Variants in CHL1 observed in about 807,000 individuals in gnomAD.
CHL1 encodes the protein cell adhesion molecule L1 like.
In CHL1, 96 loss-of-function variants were observed where a neutral mutation model predicts 141.9. The observed-to-expected ratio is 0.68, with a 90% CI of 0.57 to 0.80. The LOEUF is 0.80. CHL1 is among the 30% of genes least tolerant of loss of function. CHL1 has a pLI of 0.00. For missense variants in CHL1, 1,820 were observed against 1,457.2 expected, an observed-to-expected ratio of 1.25 and a Z score of -4.05; for synonymous variants, 613 against 502.2, an observed-to-expected ratio of 1.22 and a Z score of -2.95.
chr3:229,175 C>T (rs544195200), intron 1 of CHL1, among the ~76,000 whole-genome samples: 1 of 152,268 alleles, frequency 6.6e-6, no homozygotes, highest in South Asian at 2.1e-4. Flanking sequence ...TTACATTTCA[C>T]TTCTTATTAA....
chr3:395,202 G>A (rs1865164), intron 24 of CHL1, among the ~76,000 whole-genome samples: 139,000 of 152,286 alleles, frequency 0.91, 64,357 homozygotes, highest in East Asian at 1. Context: ...GTAAAGGTAC[G>A]TTTTTCTTTT....
chr3:369,893 A>G (rs148422428), intron 15 of CHL1, among the ~76,000 whole-genome samples: 3,853 of 152,326 alleles, frequency 0.025, 76 homozygotes, highest in Non-Finnish European at 0.039. Flanking sequence ...TATGTGATGA[A>G]TTACATTTAT....
chr3:377,174 G>C (rs1313949915), intron 15 of CHL1, among the ~76,000 whole-genome samples: 2 of 152,182 alleles, frequency 1.3e-5, no homozygotes, highest in Non-Finnish European at 2.9e-5. Flanking sequence ...TTTTCTCATA[G>C]TAAACCTGAT....
At chr3:310,728 T>C (rs566705272) in intron 2 of CHL1, among the ~76,000 whole-genome samples, 1 of 152,222 alleles carries the variant, frequency 6.6e-6, no homozygotes, top group Non-Finnish European at 1.5e-5. Context: ...TGAACCTACA[T>C]TGACATATCA....
intron 2 of CHL1, among the ~76,000 whole-genome samples, chr3:255,385 T>C (rs1490574536): frequency 6.6e-6 from 1 of 152,200 alleles, no homozygotes; most frequent in Non-Finnish European, 1.5e-5. Context: ...GATTATGATT[T>C]CTATGCTGCA....
intron 2 of CHL1, among the ~76,000 whole-genome samples, chr3:308,044 G>A (rs759684122): frequency 2.6e-5 from 4 of 152,150 alleles, no homozygotes; most frequent in South Asian, 4.1e-4. Flanking sequence ...AGTTCTATTA[G>A]CCTTTATGGA....
chr3:292,664 T>C (rs554850109), intron 2 of CHL1, among the ~76,000 whole-genome samples: 1 of 152,304 alleles, frequency 6.6e-6, no homozygotes, highest in African/African-American at 2.4e-5. Context: ...TGGCTCATGG[T>C]TCTGCAGTCT....
chr3:202,482 A>G (rs1263347358), intron 1 of CHL1, among the ~76,000 whole-genome samples: 1 of 152,220 alleles, frequency 6.6e-6, no homozygotes, highest in Non-Finnish European at 1.5e-5. Context: ...GCTTGGCTGA[A>G]ATTAGAATCG....
chr3:230,086 C>T (rs1272203940), intron 1 of CHL1, among the ~76,000 whole-genome samples: 1 of 152,102 alleles, frequency 6.6e-6, no homozygotes, highest in African/African-American at 2.4e-5. Context: ...GACAAACTGG[C>T]CCCCACTGGA....
intron 1 of CHL1, among the ~76,000 whole-genome samples, chr3:225,933 T>TG (rs1156467971): frequency 2.0e-5 from 3 of 149,962 alleles, no homozygotes; most frequent in African/African-American, 7.3e-5. Context: ...CACTTGAACC[T>TG]GGGAGGCGGA....
chr3:240,801 T>C (rs1370091104), intron 1 of CHL1, among the ~76,000 whole-genome samples: 1 of 152,176 alleles, frequency 6.6e-6, no homozygotes, highest in Non-Finnish European at 1.5e-5. Context: ...TCCAGTTTCA[T>C]TCTCCTACAT....
chr3:313,697 G>T (rs555426748), intron 2 of CHL1, among the ~76,000 whole-genome samples: 1 of 152,290 alleles, frequency 6.6e-6, no homozygotes, highest in African/African-American at 2.4e-5. Context: ...ATTGTCCAAA[G>T]TGAAAACTTA....
chr3:240,702 A>T (rs1692472782), intron 1 of CHL1, among the ~76,000 whole-genome samples: 1 of 152,136 alleles, frequency 6.6e-6, no homozygotes, highest in African/African-American at 2.4e-5. Flanking sequence ...TTCTGACGTT[A>T]TCTTCTAGAA....
chr3:403,156 G>A (rs1014970506), intron 27 of CHL1, among the ~76,000 whole-genome samples: 1 of 152,144 alleles, frequency 6.6e-6, no homozygotes, highest in African/African-American at 2.4e-5. Context: ...TTCTTCACAG[G>A]CCAGAGGTCA....
intron 10 of CHL1, among the ~76,000 whole-genome samples, chr3:352,786 G>A (rs536806465): frequency 1.3e-5 from 2 of 152,344 alleles, no homozygotes; most frequent in South Asian, 4.1e-4. Context: ...AAAGTATAGT[G>A]AGGAAGCCTA....
intron 19 of CHL1, among the ~76,000 whole-genome samples, 160 bp from the exon 20 acceptor site, chr3:389,092 C>T (rs1708015713): frequency 6.6e-6 from 1 of 152,170 alleles, no homozygotes; most frequent in South Asian, 2.1e-4. Context: ...GATGACAAAA[C>T]TTTTTCACAA....
rs770805988 is a variant in CHL1, at chr3:342,012, T to C, written c.609T>C (p.Cys203=). The change falls in exon 7 of 28, where the codon TGT becomes TGC. Residue 203 remains cysteine, a synonymous_variant. Coordinates refer to ENST00000256509, the MANE Select transcript of CHL1 (RefSeq NM_006614.4). ...VEEKDSRNDY[C]CFAAFPRLRT... ...AAAAGGACAGTCGCAATGACTACTGTTGCTTTGCTGCATTTCCAAGATTAA... is the reference window on the plus strand; with the variant it reads ...AAAAGGACAGTCGCAATGACTACTGCTGCTTTGCTGCATTTCCAAGATTAA... 3.7e-6 allele frequency: 6 copies of C among 1,613,702 alleles called. No homozygotes were observed. In the South Asian group the frequency reaches 5.5e-5, roughly 15 times the overall value.
At chr3:373,141 G>A (rs891304613) in intron 15 of CHL1, among the ~76,000 whole-genome samples, 2 of 152,224 alleles carry the variant, frequency 1.3e-5, no homozygotes, top group Non-Finnish European at 2.9e-5. Flanking sequence ...TGGAGGGGAT[G>A]TGCTTCACTA....
chr3:371,279 C>G (rs548485624), intron 15 of CHL1, among the ~76,000 whole-genome samples: 1 of 152,244 alleles, frequency 6.6e-6, no homozygotes, highest in African/African-American at 2.4e-5. Flanking sequence ...TTTTATGAAT[C>G]TGGGTGCTCC....
Sources: allele counts gnomAD v4.1 joint callset (sites outside exome capture counted in the v4.1 genomes callset), GRCh38; gene constraint gnomAD v4.1.1; transcripts MANE v1.5; gene names NCBI Gene and HGNC (gene_info 2026-07-23, HGNC 2026-07-21).